NEK10: variants seen among roughly 807,000 people sequenced by gnomAD.
The protein encoded by NEK10 is NIMA related kinase 10.
In NEK10, 122 loss-of-function variants were observed where a neutral mutation model predicts 159.8. That is an observed-to-expected ratio of 0.76 (90% confidence interval 0.66 to 0.89). NEK10 has a LOEUF of 0.89. Among genes scored for constraint, NEK10 ranks in the 40% least tolerant of loss-of-function variants. NEK10 has a pLI of 0.00. For missense variants in NEK10, 1,342 were observed against 1,323.1 expected, an observed-to-expected ratio of 1.01 and a Z score of -0.22; for synonymous variants, 466 against 457.1, an observed-to-expected ratio of 1.02 and a Z score of -0.25.
chr3:27,205,293 T>C (rs577161643), intron 23 of NEK10, among the ~76,000 whole-genome samples: 2 of 141,550 alleles, frequency 1.4e-5, no homozygotes, highest in Admixed American at 7.4e-5. Flanking sequence ...CAAGGTAATT[T>C]ACAGATTCAA....
chr3:27,248,045 AC>A (rs1201127432), intron 23 of NEK10, among the ~76,000 whole-genome samples: 1 of 151,662 alleles, frequency 6.6e-6, no homozygotes, highest in Admixed American at 6.6e-5. Flanking sequence ...CTTCCATCTC[AC>A]TACTTGTTAT....
intron 23 of NEK10, among the ~76,000 whole-genome samples, chr3:27,225,224 T>G (rs1431661155): frequency 1.3e-5 from 2 of 151,780 alleles, no homozygotes; most frequent in Non-Finnish European, 2.9e-5. Flanking sequence ...CTTTTCTGCC[T>G]GCTTATATTC....
chr3:27,214,741 A>G (rs1259199849), intron 23 of NEK10: 4 of 743,528 alleles, frequency 5.4e-6, no homozygotes, highest in South Asian at 4.1e-5. Context: ...ATTCCTGAGG[A>G]ATAAACATAA....
intron 18 of NEK10, 103 bp downstream of exon 18, chr3:27,291,159 A>C: frequency 9.2e-7 from 1 of 1,088,352 alleles, no homozygotes; most frequent in Non-Finnish European, 1.3e-6. Context: ...TCTGTTTGCT[A>C]TTTTTCAATG....
At chr3:27,134,429 A>C (rs899418986) in intron 31 of NEK10, among the ~76,000 whole-genome samples, 1 of 152,232 alleles carries the variant, frequency 6.6e-6, no homozygotes, top group Non-Finnish European at 1.5e-5. Flanking sequence ...AGGGGCTGTC[A>C]AACAGAAAGG....
At chr3:27,287,926 A>C (rs10510593) in intron 19 of NEK10, among the ~76,000 whole-genome samples, 183 bp from the exon 20 acceptor site, 35,405 of 152,146 alleles carry the variant, frequency 0.23, 4,490 homozygotes, top group Middle Eastern at 0.37. Flanking sequence ...GTTGCTTATA[A>C]ACTGATCTGA....
chr3:27,136,013 AT>A (rs1192205850), intron 31 of NEK10, among the ~76,000 whole-genome samples: 1 of 151,064 alleles, frequency 6.6e-6, no homozygotes, highest in African/African-American at 2.4e-5. Flanking sequence ...TCTGAACTAC[AT>A]TTTTTTCCAT....
intron 5 of NEK10, among the ~76,000 whole-genome samples, chr3:27,334,734 G>GA (rs777612031): frequency 6.2e-4 from 95 of 152,064 alleles, no homozygotes; most frequent in Admixed American, 2.6e-3. Flanking sequence ...TCATCCTCAG[G>GA]AAAAAATCTT....
intron 16 of NEK10, among the ~76,000 whole-genome samples, chr3:27,292,541 AAAG>A (rs1445499702): frequency 6.6e-6 from 1 of 152,152 alleles, no homozygotes; most frequent in East Asian, 1.9e-4. Context: ...GAAAGATTAT[AAAG>A]AATAAGTAGC....
intron 23 of NEK10, among the ~76,000 whole-genome samples, chr3:27,249,904 G>A (rs889593621): frequency 1.1e-4 from 16 of 151,594 alleles, no homozygotes; most frequent in Non-Finnish European, 2.4e-4. Flanking sequence ...TTTTTGATTT[G>A]AGGTTACCAT....
intron 5 of NEK10, among the ~76,000 whole-genome samples, chr3:27,338,975 A>G (rs537140603): frequency 1.5e-4 from 23 of 152,342 alleles, no homozygotes; most frequent in South Asian, 6.2e-4. Context: ...TCTGCACAGC[A>G]AAGGAAGCAA....
At chr3:27,142,757 C>T (rs1943911231) in intron 30 of NEK10, among the ~76,000 whole-genome samples, 1 of 151,878 alleles carries the variant, frequency 6.6e-6, no homozygotes, top group Non-Finnish European at 1.5e-5. Flanking sequence ...TTATTATAAG[C>T]ACATGAAAAT....
intron 12 of NEK10, among the ~76,000 whole-genome samples, chr3:27,304,246 T>A (rs2044059562): frequency 1.3e-5 from 2 of 152,224 alleles, no homozygotes; most frequent in South Asian, 4.1e-4. Flanking sequence ...ACTTGATTAA[T>A]GATATCATCT....
chr3:27,277,710 T>G (rs2041870199), intron 22 of NEK10, among the ~76,000 whole-genome samples: 1 of 152,206 alleles, frequency 6.6e-6, no homozygotes, highest in Non-Finnish European at 1.5e-5. Flanking sequence ...CCCCAGTGCT[T>G]ATATAGCTGT....
At chr3:27,339,196 C>T (rs2047026857) in intron 5 of NEK10, among the ~76,000 whole-genome samples, 1 of 152,148 alleles carries the variant, frequency 6.6e-6, no homozygotes, top group Non-Finnish European at 1.5e-5. Context: ...TTAATTAGAT[C>T]TCATTTGTCC....
chr3:27,308,854 T>C, intron 10 of NEK10, 72 bp downstream of exon 10: 2 of 633,220 alleles, frequency 3.2e-6, no homozygotes. Context: ...AAGTAACTGA[T>C]TATTTTGCAT....
intron 24 of NEK10, among the ~76,000 whole-genome samples, chr3:27,201,839 T>C (rs1950071744): frequency 6.6e-6 from 1 of 152,166 alleles, no homozygotes; most frequent in Non-Finnish European, 1.5e-5. Context: ...AGGTGCTGGA[T>C]TGTGAGTAGT....
chr3:27,263,254 A>C (rs7619124), intron 22 of NEK10, among the ~76,000 whole-genome samples: 39,031 of 152,046 alleles, frequency 0.26, 5,152 homozygotes, highest in Middle Eastern at 0.38. Context: ...AGTTAGTCTA[A>C]TCGGGGGTCA....
chr3:27,259,690 T>A (rs1157134464), intron 22 of NEK10, among the ~76,000 whole-genome samples: 8 of 152,218 alleles, frequency 5.3e-5, no homozygotes, highest in Admixed American at 5.2e-4. Flanking sequence ...TAGGATTGAC[T>A]TAGCAATGTG....
Sources: allele counts gnomAD v4.1 joint callset (sites outside exome capture counted in the v4.1 genomes callset), GRCh38; gene constraint gnomAD v4.1.1; transcripts MANE v1.5; gene names NCBI Gene and HGNC (gene_info 2026-07-23, HGNC 2026-07-21).